TTLL9: variants seen among roughly 807,000 people sequenced by gnomAD.
The protein encoded by TTLL9 is tubulin tyrosine ligase like 9, also known as probable tubulin polyglutamylase TTLL9.
In TTLL9, 47 loss-of-function variants were observed where a neutral mutation model predicts 65.6. The ratio of observed to expected loss-of-function variants is 0.72; its 90% confidence interval spans 0.57 to 0.91. The LOEUF (loss-of-function observed/expected upper bound fraction) is 0.91, where lower values mean the gene tolerates loss of function less well. Ranked by LOEUF, TTLL9 falls within the 40% of genes least tolerant of loss-of-function variation. The probability of loss-of-function intolerance (pLI) is 0.00; values close to 1 mark genes in which losing one functional copy is unlikely to be tolerated. For missense variants in TTLL9, 537 were observed against 568.8 expected, an observed-to-expected ratio of 0.94 and a Z score of 0.57; for synonymous variants, 179 against 204.8, an observed-to-expected ratio of 0.87 and a Z score of 1.07.
intron 3 of TTLL9, among the ~76,000 whole-genome samples, chr20:31,888,880 G>T (rs1170400056): frequency 6.6e-6 from 1 of 152,052 alleles, no homozygotes; most frequent in African/African-American, 2.4e-5. Flanking sequence ...TTATCACCAA[G>T]GGGATGTTGC....
chr20:31,886,836 C>A (rs1252767463), intron 2 of TTLL9, among the ~76,000 whole-genome samples: 1 of 152,110 alleles, frequency 6.6e-6, no homozygotes, highest in African/African-American at 2.4e-5. Flanking sequence ...ACAACAACAA[C>A]AAAAGCTCAG....
intron 12 of TTLL9, 31 bp downstream of exon 12, chr20:31,934,919 C>T: frequency 6.3e-7 from 1 of 1,586,202 alleles, no homozygotes; most frequent in South Asian, 1.1e-5. Flanking sequence ...GCCAGGAGGT[C>T]ATAGTTTGCA....
intron 10 of TTLL9, among the ~76,000 whole-genome samples, chr20:31,930,469 A>G (rs114905618): frequency 1.3e-5 from 2 of 152,172 alleles, no homozygotes; most frequent in African/African-American, 4.8e-5. Flanking sequence ...TTTTTCCCAG[A>G]TGGGGTCCTA....
intron 2 of TTLL9, among the ~76,000 whole-genome samples, chr20:31,883,200 C>CTTT (rs776036423): frequency 7.1e-6 from 1 of 140,104 alleles, no homozygotes. Context: ...AGAATTCTTT[C>CTTT]TTTTTTTTTT....
Position 31,933,865 on chromosome 20 carries a change from A to G in TTLL9, c.807+7A>G. 1 of 1,613,884 alleles carries G rather than the reference A, an allele frequency of 6.2e-7. No homozygotes were observed. Among genetic ancestry groups the G allele is most frequent in the African/African-American group, 1.3e-5 (1 of 75,048 alleles). ...CGACTACCACCCAAAGAAGGTGAGG[A>G]AGCCGGGCTCGGCTATGCACGGGTA... On this transcript the variant is annotated splice_region_variant and intron_variant, in intron 11 of 14. Transcript: ENST00000535842.
intron 2 of TTLL9, chr20:31,879,981 A>T (rs1278959473): frequency 1.2e-4 from 60 of 505,936 alleles, no homozygotes; most frequent in African/African-American, 1.2e-3. Context: ...TCGGTTGGGG[A>T]TGGGTGTTCC....
chr20:31,942,332 G>A (rs11905617), intron 14 of TTLL9, among the ~76,000 whole-genome samples: 7 of 152,196 alleles, frequency 4.6e-5, no homozygotes, highest in Non-Finnish European at 1.0e-4. Context: ...AGACGTCTCA[G>A]CAGCTCACGG....
intron 2 of TTLL9, chr20:31,879,655 G>C (rs904094032): frequency 4.8e-6 from 3 of 621,694 alleles, no homozygotes; most frequent in Non-Finnish European, 8.2e-6. Flanking sequence ...GAGAGGCGAG[G>C]CTGGAAAAGA....
intron 7 of TTLL9, 86 bp downstream of exon 7, chr20:31,920,018 C>T (rs1600593923): frequency 2.4e-6 from 3 of 1,254,818 alleles, no homozygotes; most frequent in East Asian, 2.8e-5. Context: ...AATCAAAGCT[C>T]AGAGGGCTGG....
chr20:31,942,793 C>A (rs1231827981), intron 14 of TTLL9, 152 bp from the exon 15 acceptor site: 1 of 729,242 alleles, frequency 1.4e-6, no homozygotes, highest in Non-Finnish European at 2.4e-6. Flanking sequence ...AGGGCCATGG[C>A]AGTTTAGGAA....
At chr20:31,892,642 G>A (rs1179738370) in intron 3 of TTLL9, among the ~76,000 whole-genome samples, 2 of 152,154 alleles carry the variant, frequency 1.3e-5, no homozygotes, top group African/African-American at 4.8e-5. Context: ...TGAAGGACAG[G>A]AAGAAAATCT....
At position 31,943,934 on chromosome 20, in the gene TTLL9, G is replaced by A. The variant is rs770825691; in HGVS notation, c.*913G>A. On this transcript the variant is annotated 3_prime_UTR_variant, in exon 15 of 15. Coordinates refer to ENST00000535842, the MANE Select transcript of TTLL9 (RefSeq NM_001008409.5). Reference sequence around the variant, plus strand: ...TGCAACAAGACTCGGGGCTGTTGGGGTAACTGTTCCAGGGGGGACTTACTC... The same window carrying A: ...TGCAACAAGACTCGGGGCTGTTGGGATAACTGTTCCAGGGGGGACTTACTC... 9.4e-6 allele frequency: 4 copies of A among 427,256 alleles called. No homozygotes were observed. Among genetic ancestry groups the A allele is most frequent in the Non-Finnish European group, 1.9e-5 (4 of 212,014 alleles). The allele number at this position is 427,256 out of a possible 1,614,324, so 26.5% of individuals were successfully genotyped here.
chr20:31,872,727 G>C (rs944450681), intron 2 of TTLL9, among the ~76,000 whole-genome samples: 1 of 152,132 alleles, frequency 6.6e-6, no homozygotes, highest in South Asian at 2.1e-4. Flanking sequence ...AAAAGAAAAA[G>C]AGTGGAGAGA....
chr20:31,900,174 C>T (rs1244020208), intron 4 of TTLL9, among the ~76,000 whole-genome samples: 1 of 152,144 alleles, frequency 6.6e-6, no homozygotes, highest in East Asian at 1.9e-4. Context: ...GGGTAGCTGC[C>T]CTGCTGCGTG....
At chr20:31,877,127 T>C (rs1337127179) in intron 2 of TTLL9, among the ~76,000 whole-genome samples, 1 of 152,192 alleles carries the variant, frequency 6.6e-6, no homozygotes, top group Non-Finnish European at 1.5e-5. Context: ...CTTTGTTATA[T>C]ATGTTGTAAG....
chr20:31,901,494 T>C (rs1307985315), intron 4 of TTLL9: 1 of 152,236 alleles, frequency 6.6e-6, no homozygotes, highest in Non-Finnish European at 1.5e-5. Context: ...GTGACAATCA[T>C]GAAAATGGTG....
intron 2 of TTLL9, among the ~76,000 whole-genome samples, chr20:31,882,159 G>A (rs2063126723): frequency 6.6e-6 from 1 of 152,154 alleles, no homozygotes; most frequent in Non-Finnish European, 1.5e-5. Flanking sequence ...CCAGAGGTCA[G>A]AATACCGCGT....
At chr20:31,923,670 G>A (rs58572530) in intron 8 of TTLL9, among the ~76,000 whole-genome samples, 13,726 of 152,188 alleles carry the variant, frequency 0.09, 1,209 homozygotes, top group African/African-American at 0.23. Context: ...TTCCCCAGGC[G>A]GGCCAACATC....
At chr20:31,931,078 CTTTTT>C (rs60315473) in intron 10 of TTLL9, among the ~76,000 whole-genome samples, 1 of 125,238 alleles carries the variant, frequency 8.0e-6, no homozygotes, top group African/African-American at 3.0e-5. Flanking sequence ...TCCTCTTTTC[CTTTTT>C]TTTTTTTTTT....
Sources: allele counts gnomAD v4.1 joint callset (sites outside exome capture counted in the v4.1 genomes callset), GRCh38; gene constraint gnomAD v4.1.1; transcripts MANE v1.5; gene names NCBI Gene and HGNC (gene_info 2026-07-23, HGNC 2026-07-21).